Variants in VWA3A observed in about 807,000 individuals in gnomAD.
VWA3A encodes von Willebrand factor A domain containing 3A.
VWA3A carries 134 observed loss-of-function variants against 160.4 expected under a neutral mutation model. That is an observed-to-expected ratio of 0.84 (90% CI 0.73 to 0.96). VWA3A has a LOEUF of 0.96. Ranked by LOEUF, VWA3A falls within the 40% of genes least tolerant of loss-of-function variation. The pLI is 0.00. For synonymous variants in VWA3A, 476 were observed against 543.4 expected (o/e 0.88, Z 1.72); for missense variants, 1,310 against 1,447.9 (o/e 0.90, Z 1.55).
intron 19 of VWA3A, among the ~76,000 whole-genome samples, chr16:22,132,108 GCA>G (rs1409438348): frequency 1.3e-5 from 2 of 152,122 alleles, no homozygotes; most frequent in African/African-American, 4.8e-5. Flanking sequence ...ATGTAGCCAG[GCA>G]CAGTGGCTCA....
At position 22,094,489 on chromosome 16, in the gene VWA3A, T is replaced by C. The variant is rs1205296191; in HGVS notation, c.14+1838T>C. On this transcript the variant is annotated intron_variant, in intron 1 of 33. Transcript: ENST00000389398. ...AGAACACACACTCTAAGTTGCAACT[T>C]TATTCAGAGTCTCTCACTTGCTGTG... Among the ~76,000 whole-genome samples, 4 of 152,216 alleles carry C rather than the reference T, an allele frequency of 2.6e-5. No homozygotes were observed. In the East Asian group the frequency reaches 7.7e-4, roughly 29 times the overall value.
In VWA3A at chr16:22,152,601, C is replaced by A. The variant is rs1413705340; in HGVS notation, c.3372C>A (p.His1124Gln). Reference sequence around the variant, plus strand: ...GTGAGGACACACTCTCCAAAATTCACAGCCTGCTGACCAAAGGCTTCATCA... The same window carrying A: ...GTGAGGACACACTCTCCAAAATTCAAAGCCTGCTGACCAAAGGCTTCATCA... ...PVGEDTLSKI[H>Q]SLLTKGFINE... The change falls in exon 31 of 34, where the codon CAC becomes CAA. Residue 1124 changes from histidine to glutamine, a missense_variant. By Grantham distance (24) the His-to-Gln change is conservative (BLOSUM62 0). Coordinates refer to ENST00000389398, the MANE Select transcript of VWA3A (RefSeq NM_173615.5). 1.2e-6 allele frequency: 2 copies of A among 1,609,458 alleles called. No homozygotes were observed.
intron 26 of VWA3A, among the ~76,000 whole-genome samples, chr16:22,145,917 C>T (rs1037253435): frequency 6.6e-6 from 1 of 151,986 alleles, no homozygotes; most frequent in Admixed American, 6.6e-5. Flanking sequence ...CCTCCCTGGG[C>T]TCAGGCAATC....
In VWA3A at chr16:22,141,128, C is replaced by T. The variant is rs560245483; in HGVS notation, c.2384-454C>T. The T allele has an allele frequency of 6.6e-6, 3 of 453,174 alleles. No individual in the cohort carries two copies. In the Admixed American group the frequency reaches 7.1e-5, roughly 11 times the overall value. The allele number at this position is 453,174 out of a possible 1,614,324, so 28.1% of individuals were successfully genotyped here. A position where few individuals can be genotyped will look rare whatever the true frequency, so the allele number is the denominator to read the frequency against. ...AAGGATCATGTGCCACTAGTGGTAA[C>T]AGGCCTTCACAATCTTAATGAAAGT... On this transcript the variant is annotated intron_variant, in intron 23 of 33. Transcript: ENST00000389398.
intron 1 of VWA3A, among the ~76,000 whole-genome samples, chr16:22,095,653 G>GATC (rs1293018407): frequency 6.6e-6 from 1 of 152,022 alleles, no homozygotes; most frequent in African/African-American, 2.4e-5. Flanking sequence ...GAACTCCTGG[G>GATC]CTCAAGCGAT....
chr16:22,154,323 CTTTTTTTTTTTT>C (rs988862954), intron 31 of VWA3A, among the ~76,000 whole-genome samples: 4 of 73,904 alleles, frequency 5.4e-5, no homozygotes, highest in South Asian at 5.4e-4. Flanking sequence ...TTTTCTTTTT[CTTTTTTTTTTTT>C]TTTTTTTTTT....
intron 3 of VWA3A, among the ~76,000 whole-genome samples, chr16:22,098,303 A>G (rs2045355958): frequency 6.6e-6 from 1 of 152,238 alleles, no homozygotes; most frequent in South Asian, 2.1e-4. Context: ...CAATACAGGT[A>G]TAATGCTGGC....
At chr16:22,146,553 A>G (rs1217091598) in intron 27 of VWA3A, among the ~76,000 whole-genome samples, 1 of 152,094 alleles carries the variant, frequency 6.6e-6, no homozygotes, top group Non-Finnish European at 1.5e-5. Flanking sequence ...TTGGGAGGCC[A>G]AGGTGGGTGG....
chr16:22,141,445 G>T, intron 23 of VWA3A, 137 bp from the exon 24 acceptor site: 2 of 734,126 alleles, frequency 2.7e-6, no homozygotes, highest in Non-Finnish European at 4.7e-6. Flanking sequence ...GAGGACACAG[G>T]GTGCCTTGAA....
chr16:22,096,998 C>G, intron 2 of VWA3A, 53 bp downstream of exon 2: 1 of 1,191,620 alleles, frequency 8.4e-7, no homozygotes, highest in Non-Finnish European at 1.2e-6. Context: ...CAGATTCTCG[C>G]ACTGTCTCCC....
rs541300750 is a variant in VWA3A at position 22,104,311 on chromosome 16, A to C, written c.483+782A>C. ...AAGAGCAGCCTGGCCAACATGGTGAAACCTCATCTCTACTAAAAATACAAA... is the reference window on the plus strand; with the variant it reads ...AAGAGCAGCCTGGCCAACATGGTGACACCTCATCTCTACTAAAAATACAAA... On this transcript the variant is annotated intron_variant, in intron 6 of 33. Transcript: ENST00000389398. Among the ~76,000 whole-genome samples, 10 of 152,258 alleles carry C rather than the reference A, an allele frequency of 6.6e-5. No individual in the cohort carries two copies. In the East Asian group the frequency reaches 1.9e-3, roughly 29 times the overall value.
chr16:22,098,913 A>C (rs75612762), intron 3 of VWA3A, among the ~76,000 whole-genome samples: 1 of 125,742 alleles, frequency 8.0e-6, no homozygotes, highest in Non-Finnish European at 1.8e-5. Context: ...TGTTTCCACA[A>C]AAAAAAAAAA....
chr16:22,126,776 G>A lies in VWA3A; in HGVS notation c.1652+479G>A, dbSNP rs570232552. On this transcript the variant is annotated intron_variant, in intron 17 of 33. Coordinates refer to ENST00000389398, the MANE Select transcript of VWA3A (RefSeq NM_173615.5). ...TAATCCCAGCACCTTGGGAGGCCGA[G>A]ACAGGAGGATCGCTTGCATCCAGGA... Among the ~76,000 whole-genome samples, 7 of 152,252 alleles carry A rather than the reference G, an allele frequency of 4.6e-5. No homozygotes were observed. In the South Asian group the frequency reaches 1.4e-3, roughly 32 times the overall value.
At chr16:22,133,219 A>G in intron 20 of VWA3A, 124 bp downstream of exon 20, 1 of 1,137,758 alleles carries the variant, frequency 8.8e-7, no homozygotes, top group Non-Finnish European at 1.2e-6. Context: ...TTTAAAATGT[A>G]AAACTGTTCC....
At chr16:22,151,007 T>C (rs2046339494) in intron 30 of VWA3A, among the ~76,000 whole-genome samples, 161 bp downstream of exon 30, 1 of 152,150 alleles carries the variant, frequency 6.6e-6, no homozygotes, top group African/African-American at 2.4e-5. Context: ...CGGCCGGGCA[T>C]GCTGGCTCAC....
chr16:22,095,292 A>G (rs559430373), intron 1 of VWA3A, among the ~76,000 whole-genome samples: 7 of 152,208 alleles, frequency 4.6e-5, no homozygotes, highest in Non-Finnish European at 1.0e-4. Context: ...AGAACGTTCC[A>G]GAGCAAAGAC....
In VWA3A at chr16:22,132,850, G is replaced by A. The variant is rs1213795268; in HGVS notation, c.1873-50G>A. On this transcript the variant is annotated intron_variant, in intron 19 of 33. Transcript: ENST00000389398. ...AGGCTGGGCTGCCCAGAGCCCCACA[G>A]CTTCAAGGCCCTCAGCTGCTGGCCC... 6 of 1,572,868 alleles carry A rather than the reference G, an allele frequency of 3.8e-6. No homozygotes were observed. In the Admixed American group the frequency reaches 6.8e-5, roughly 18 times the overall value.
intron 31 of VWA3A, among the ~76,000 whole-genome samples, chr16:22,155,113 C>T (rs2046419056): frequency 1.3e-5 from 2 of 151,996 alleles, no homozygotes; most frequent in African/African-American, 4.8e-5. Context: ...GTGATCACGC[C>T]ACTGCCCTGC....
At chr16:22,095,629 C>T (rs2045307399) in intron 1 of VWA3A, among the ~76,000 whole-genome samples, 1 of 152,156 alleles carries the variant, frequency 6.6e-6, no homozygotes, top group African/African-American at 2.4e-5. Flanking sequence ...ATGATCATAG[C>T]TCACTGCAGC....
Sources: gnomAD v4.1 joint callset for allele counts (sites outside exome capture counted in the v4.1 genomes callset) on GRCh38, gnomAD v4.1.1 for gene constraint, MANE v1.5 for transcripts, NCBI Gene and HGNC (gene_info 2026-07-23, HGNC 2026-07-21) for gene names.